Variants in ANKS6 observed in about 807,000 individuals in gnomAD.
ANKS6 encodes the protein ankyrin repeat and SAM domain-containing protein 6.
A neutral mutation model predicts 77.9 loss-of-function variants in ANKS6; 47 were observed. The ratio of observed to expected loss-of-function variants is 0.60; its 90% CI spans 0.48 to 0.77. The LOEUF is 0.77. Among genes scored for constraint, ANKS6 ranks in the 30% least tolerant of loss-of-function variants. The pLI is 0.00. For missense variants in ANKS6, 1,150 were observed against 1,159.1 expected (o/e 0.99, Z 0.11); for synonymous variants, 488 against 501.7 (o/e 0.97, Z 0.37).
chr9:98,783,084 GAAAGA>G (rs969043656), intron 4 of ANKS6, among the ~76,000 whole-genome samples: 10 of 127,544 alleles, frequency 7.8e-5, no homozygotes, highest in South Asian at 2.7e-4. Context: ...GATACTGTTG[GAAAGA>G]AAAGAAAAGA....
chr9:98,788,409 G>A (rs1016467916), intron 2 of ANKS6, among the ~76,000 whole-genome samples: 1 of 150,770 alleles, frequency 6.6e-6, no homozygotes, highest in Non-Finnish European at 1.5e-5. Flanking sequence ...GGGAGATTCA[G>A]CATGGCAGGT....
Position 98,790,489 on chromosome 9 carries a change from C to T in ANKS6, c.477G>A (p.Val159=), listed in dbSNP as rs547793002. 3 of 1,613,522 alleles carry T rather than the reference C, an allele frequency of 1.9e-6. No individual in the cohort carries two copies. Among genetic ancestry groups the T allele is most frequent in the South Asian group, 2.2e-5 (2 of 91,062 alleles). The part of the protein sequence containing the change: ...TVASRGGHLG[V]VKLLLEAGAF... ...CACCGGCTTCCAGGAGCAGCTTCAC[C>T]ACACCCAGGTGGCCGCCCCGAGAAG... Residue 159 remains valine (V), a synonymous_variant, in exon 2 of 15, where the codon GTG becomes GTA. Coordinates refer to ENST00000353234, the MANE Select transcript of ANKS6 (RefSeq NM_173551.5).
intron 11 of ANKS6, among the ~76,000 whole-genome samples, chr9:98,763,965 T>C (rs990491336): frequency 6.6e-6 from 1 of 152,136 alleles, no homozygotes; most frequent in African/African-American, 2.4e-5. Context: ...ATTAATGAAA[T>C]TCATTCTGTA....
At chr9:98,781,657 A>T (rs1834267619) in intron 5 of ANKS6, among the ~76,000 whole-genome samples, 1 of 152,066 alleles carries the variant, frequency 6.6e-6, no homozygotes, top group African/African-American at 2.4e-5. Context: ...TGCAGCAGGG[A>T]AGGGGTGGCA....
chr9:98,758,768 T>C (rs562990068), intron 11 of ANKS6, among the ~76,000 whole-genome samples: 1 of 152,254 alleles, frequency 6.6e-6, no homozygotes, highest in African/African-American at 2.4e-5. Context: ...ACTTTGCTAC[T>C]TATTTATTCA....
At chr9:98,745,861 C>T (rs1832100358) in intron 13 of ANKS6, among the ~76,000 whole-genome samples, 186 bp from the exon 14 acceptor site, 1 of 152,160 alleles carries the variant, frequency 6.6e-6, no homozygotes, top group African/African-American at 2.4e-5. Flanking sequence ...AATGAACTCT[C>T]CTCAGATCTG....
Position 98,733,894 on chromosome 9 carries a change from A to C in ANKS6, c.*2625T>G, listed in dbSNP as rs1831341480. 1.0e-6 allele frequency: 1 copy of C among 985,296 alleles called. No individual in the cohort carries two copies. The highest frequency in any genetic ancestry group is 1.2e-6 in the Non-Finnish European group (1 of 829,970). The allele number at this position is 985,296 out of a possible 1,614,324, so 61.0% of individuals were successfully genotyped here. On this transcript the variant is annotated 3_prime_UTR_variant, in exon 15 of 15. Transcript: ENST00000353234. ...GGGTTCCCAGGAGCATACTTTTGGG[A>C]AATGCTGGTGAAGGTTGCCAAGCAA...
rs1831327818 is a variant in ANKS6, at chr9:98,733,696, G to C, written c.*2823C>G. On this transcript the variant is annotated 3_prime_UTR_variant, in exon 15 of 15. Coordinates refer to ENST00000353234, the MANE Select transcript of ANKS6 (RefSeq NM_173551.5). ...GAGATGCTATGAGTTTCTTGGCCCTGTGAAGAGGCCTGACCCATGCTGGCA... is the reference window on the plus strand; with the variant it reads ...GAGATGCTATGAGTTTCTTGGCCCTCTGAAGAGGCCTGACCCATGCTGGCA... The C allele has an allele frequency of 2.0e-6, 2 of 985,348 alleles. No individual in the cohort carries two copies. Among genetic ancestry groups the C allele is most frequent in the Admixed American group, 1.2e-4 (2 of 16,264 alleles). The allele number at this position is 985,348 out of a possible 1,614,324, so 61.0% of individuals were successfully genotyped here. A position where few individuals can be genotyped will look rare whatever the true frequency, so the allele number is the denominator to read the frequency against.
chr9:98,758,616 TACTA>T (rs1416267411), intron 11 of ANKS6, among the ~76,000 whole-genome samples: 3 of 152,198 alleles, frequency 2.0e-5, no homozygotes, highest in Non-Finnish European at 4.4e-5. Flanking sequence ...CTTTTATATC[TACTA>T]ACTCTGTGTG....
chr9:98,737,131 A>T (rs117296253), intron 14 of ANKS6, among the ~76,000 whole-genome samples: 6,703 of 152,174 alleles, frequency 0.044, 208 homozygotes, highest in Middle Eastern at 0.082. Flanking sequence ...TGCCCCCTAT[A>T]CACACATTTT....
chr9:98,762,828 G>A (rs972648892), intron 11 of ANKS6, among the ~76,000 whole-genome samples: 1 of 151,674 alleles, frequency 6.6e-6, no homozygotes, highest in Admixed American at 6.6e-5. Context: ...AGGGCTACTG[G>A]TCTGTCATTT....
intron 11 of ANKS6, among the ~76,000 whole-genome samples, chr9:98,757,069 T>C (rs1832750725): frequency 6.6e-6 from 1 of 152,214 alleles, no homozygotes; most frequent in South Asian, 2.1e-4. Flanking sequence ...TGGTTAGCTT[T>C]AAAACAAAGG....
At chr9:98,756,278 A>C (rs1031674192) in intron 12 of ANKS6, 142 bp downstream of exon 12, 2 of 874,052 alleles carry the variant, frequency 2.3e-6, no homozygotes, top group Non-Finnish European at 3.4e-6. Flanking sequence ...CAATCAGAGA[A>C]GAGGAGGGAC....
At chr9:98,787,918 T>C (rs1391760668) in intron 2 of ANKS6, among the ~76,000 whole-genome samples, 1 of 152,226 alleles carries the variant, frequency 6.6e-6, no homozygotes, top group African/African-American at 2.4e-5. Flanking sequence ...CCACTTCCCA[T>C]GTGCTCCCTC....
chr9:98,794,182 T>C (rs1373234334), intron 1 of ANKS6, among the ~76,000 whole-genome samples: 1 of 145,592 alleles, frequency 6.9e-6, no homozygotes, highest in African/African-American at 2.5e-5. Context: ...GAAAAAACAC[T>C]AAGGTCACCA....
At chr9:98,784,506 T>C (rs1455863144) in intron 3 of ANKS6, 2 of 410,306 alleles carry the variant, frequency 4.9e-6, no homozygotes, top group Admixed American at 4.1e-5. Context: ...AGGGTCTATA[T>C]CAAGAGAGAA....
At chr9:98,771,919 G>A (rs1395678702) in intron 9 of ANKS6, among the ~76,000 whole-genome samples, 1 of 152,126 alleles carries the variant, frequency 6.6e-6, no homozygotes, top group African/African-American at 2.4e-5. Flanking sequence ...ATTTACTGCG[G>A]TTGCCTGTGT....
At chr9:98,759,789 A>T (rs1184906548) in intron 11 of ANKS6, among the ~76,000 whole-genome samples, 2 of 152,226 alleles carry the variant, frequency 1.3e-5, no homozygotes, top group Admixed American at 6.5e-5. Flanking sequence ...AAGCTTAAAA[A>T]GATGATCAAT....
chr9:98,755,843 T>C (rs1221803311), intron 12 of ANKS6, among the ~76,000 whole-genome samples: 1 of 152,114 alleles, frequency 6.6e-6, no homozygotes, highest in African/African-American at 2.4e-5. Context: ...CCTTTACACT[T>C]GGGATTTTGC....
Sources: allele counts gnomAD v4.1 joint callset (sites outside exome capture counted in the v4.1 genomes callset), GRCh38; gene constraint gnomAD v4.1.1; transcripts MANE v1.5; gene names NCBI Gene and HGNC (gene_info 2026-07-23, HGNC 2026-07-21).